RSU1: variants seen among roughly 807,000 people sequenced by gnomAD.
RSU1 encodes Ras suppressor protein 1, also known as rsu-1.
In RSU1, 26 loss-of-function variants were observed where a neutral mutation model predicts 31.1. The observed-to-expected ratio is 0.84, with a 90% confidence interval of 0.61 to 1.16. The LOEUF is 1.16. Among genes scored for constraint, RSU1 ranks in the 50% most tolerant of loss-of-function variants. The probability of loss-of-function intolerance (pLI) is 0.00; values close to 1 mark genes in which losing one functional copy is unlikely to be tolerated. For synonymous variants in RSU1, 164 were observed against 136.3 expected (o/e 1.20, Z -1.41); for missense variants, 320 against 339.1 (o/e 0.94, Z 0.44).
chr10:16,608,563 G>A (rs1366270671), intron 8 of RSU1, among the ~76,000 whole-genome samples: 1 of 152,010 alleles, frequency 6.6e-6, no homozygotes, highest in African/African-American at 2.4e-5. Context: ...TCTTTGAAGT[G>A]GCAAATACTA....
intron 8 of RSU1, among the ~76,000 whole-genome samples, chr10:16,687,685 G>A (rs1468505728): frequency 6.6e-6 from 1 of 151,944 alleles, no homozygotes; most frequent in African/African-American, 2.4e-5. Flanking sequence ...TCACATACAG[G>A]AACAGTTGAG....
chr10:16,809,463 G>A (rs75193316), intron 2 of RSU1, among the ~76,000 whole-genome samples: 7 of 152,124 alleles, frequency 4.6e-5, no homozygotes, highest in African/African-American at 7.2e-5. Context: ...GAGATGAGAC[G>A]AGCTGTGTCC....
chr10:16,805,631 A>G (rs372402921), intron 2 of RSU1, among the ~76,000 whole-genome samples: 199 of 146,000 alleles, frequency 1.4e-3, no homozygotes, highest in Non-Finnish European at 2.6e-3. Flanking sequence ...AGCGGAGATC[A>G]CGCCACTGCA....
At position 16,744,378 on chromosome 10, in the gene RSU1, A is replaced by C. The variant is rs568875568; in HGVS notation, c.598+8161T>G. 2.0e-4 allele frequency among the ~76,000 whole-genome samples: 31 copies of C among 152,326 alleles called. No homozygotes were observed. The South Asian group carries it at 2.1e-3, about 10-fold the overall frequency. On this transcript the variant is annotated intron_variant, in intron 7 of 8. Transcript: ENST00000345264. ...CAATTGGTTCAGAACAGTGGTTGTT[A>C]TCATGAATTCTGGGAGAATAAAAAA...
At chr10:16,730,987 C>T in intron 7 of RSU1, among the ~76,000 whole-genome samples, 1 of 152,052 alleles carries the variant, frequency 6.6e-6, no homozygotes, top group Non-Finnish European at 1.5e-5. Flanking sequence ...CCACGCCCAG[C>T]TTATTTTTGT....
intron 2 of RSU1, among the ~76,000 whole-genome samples, chr10:16,806,474 T>C (rs10904820): frequency 0.58 from 88,213 of 152,052 alleles, 27,360 homozygotes; most frequent in African/African-American, 0.8. Flanking sequence ...ATGATGCTCC[T>C]TAAATCTGTT....
At chr10:16,752,118 A>T (rs1264196590) in intron 7 of RSU1, among the ~76,000 whole-genome samples, 1 of 152,188 alleles carries the variant, frequency 6.6e-6, no homozygotes, top group African/African-American at 2.4e-5. Context: ...CTATTTGGTA[A>T]AAGTTTTTCC....
At chr10:16,745,402 CAT>C (rs904120269) in intron 7 of RSU1, among the ~76,000 whole-genome samples, 3 of 152,132 alleles carry the variant, frequency 2.0e-5, no homozygotes, top group Admixed American at 6.5e-5. Context: ...TCACGCTACT[CAT>C]AGAGACATAC....
rs552729863 is a variant in RSU1, at chr10:16,767,658, T to C, written c.161-3148A>G. The stretch of plus-strand genomic sequence containing the variant: ...TCTAAAGAAATTAACATGCAGACCC[T>C]TCTGGATGGGATGGTATTCACTCTT... On this transcript the variant is annotated intron_variant, in intron 3 of 8. Transcript: ENST00000345264. 2.6e-5 allele frequency among the ~76,000 whole-genome samples: 4 copies of C among 152,284 alleles called. No individual in the cohort carries two copies. In the South Asian group the frequency reaches 8.3e-4, roughly 32 times the overall value.
chr10:16,772,681 T>C (rs1588525110), intron 3 of RSU1, among the ~76,000 whole-genome samples: 1 of 137,106 alleles, frequency 7.3e-6, no homozygotes, highest in Middle Eastern at 3.8e-3. Context: ...AAAACTTCAA[T>C]CCATCAATGG....
intron 2 of RSU1, among the ~76,000 whole-genome samples, chr10:16,791,990 G>T (rs1392177044): frequency 6.6e-6 from 1 of 152,190 alleles, no homozygotes; most frequent in African/African-American, 2.4e-5. Context: ...CTTACATCCA[G>T]ACAGATGAGG....
intron 2 of RSU1, among the ~76,000 whole-genome samples, chr10:16,809,586 G>A (rs1431127530): frequency 6.6e-6 from 1 of 151,972 alleles, no homozygotes; most frequent in Admixed American, 6.6e-5. Context: ...TCATCCTTTG[G>A]TTTAAAAAAT....
chr10:16,792,114 C>T (rs1204891423), intron 2 of RSU1, among the ~76,000 whole-genome samples: 1 of 152,170 alleles, frequency 6.6e-6, no homozygotes, highest in Admixed American at 6.5e-5. Flanking sequence ...ATCTTGGACT[C>T]TAAATGAAAG....
In RSU1 at chr10:16,614,201, A is replaced by G. The variant is rs375939078; in HGVS notation, c.732-20705T>C. ...CCAATATCTAAATTTCAAATTAGGT[A>G]TAACATATAAAAACTGTAAACAAGC... is the stretch of plus-strand genomic sequence containing the variant. On this transcript the variant is annotated intron_variant, in intron 8 of 8. Transcript: ENST00000345264. Among the ~76,000 whole-genome samples, 8 of 152,364 alleles carry G rather than the reference A, an allele frequency of 5.3e-5. 2 individuals are homozygous for G. The highest frequency in any genetic ancestry group is 1.9e-4 in the African/African-American group (8 of 41,586).
At chr10:16,627,688 C>T (rs756117983) in intron 8 of RSU1, among the ~76,000 whole-genome samples, 4 of 145,124 alleles carry the variant, frequency 2.8e-5, no homozygotes, top group Non-Finnish European at 4.4e-5. Flanking sequence ...ATCTGAGAGG[C>T]AGAGATTGCA....
chr10:16,658,582 A>G (rs12217875), intron 8 of RSU1, among the ~76,000 whole-genome samples: 34,379 of 151,734 alleles, frequency 0.23, 4,311 homozygotes, highest in East Asian at 0.32. Context: ...AAATTAACCG[A>G]GCGTGGTGGC....
intron 2 of RSU1, among the ~76,000 whole-genome samples, chr10:16,805,132 G>A (rs2131675308): frequency 6.6e-6 from 1 of 151,988 alleles, no homozygotes; most frequent in African/African-American, 2.4e-5. Context: ...CCTTGAACCT[G>A]GGAGGCAGAG....
intron 8 of RSU1, among the ~76,000 whole-genome samples, chr10:16,606,129 A>C (rs1314951977): frequency 6.6e-6 from 1 of 152,196 alleles, no homozygotes; most frequent in East Asian, 1.9e-4. Context: ...TCTGGGAGCC[A>C]GGCCATTGTC....
At chr10:16,678,789 T>A (rs1835276477) in intron 8 of RSU1, among the ~76,000 whole-genome samples, 1 of 152,190 alleles carries the variant, frequency 6.6e-6, no homozygotes, top group Non-Finnish European at 1.5e-5. Flanking sequence ...TCCCTAGAGA[T>A]AACCACCATT....
Sources: allele counts gnomAD v4.1 joint callset (sites outside exome capture counted in the v4.1 genomes callset), GRCh38; gene constraint gnomAD v4.1.1; transcripts MANE v1.5; gene names NCBI Gene and HGNC (gene_info 2026-07-23, HGNC 2026-07-21).